The following LMO7 variants were observed in gnomAD, a reference collection of about 807,000 sequenced individuals.
The protein encoded by LMO7 is LIM domain 7.
LMO7 carries 120 observed loss-of-function variants against 206.5 expected under a neutral mutation model. The ratio of observed to expected loss-of-function variants is 0.58; its 90% CI spans 0.50 to 0.68. The LOEUF is 0.68. Among genes scored for constraint, LMO7 ranks in the 30% least tolerant of loss-of-function variants. LMO7 has a pLI of 0.00. For missense variants in LMO7, 1,959 were observed against 1,957.9 expected (o/e 1.00, Z -0.01); for synonymous variants, 706 against 681.5 (o/e 1.04, Z -0.56).
chr13:75,820,350 G>A (rs928901279), intron 13 of LMO7, among the ~76,000 whole-genome samples: 5 of 152,248 alleles, frequency 3.3e-5, no homozygotes, highest in Non-Finnish European at 1.5e-5. Context: ...GTTCTGTCAA[G>A]CTATGTGAAA....
chr13:75,749,065 C>A (rs1594722787), intron 3 of LMO7, among the ~76,000 whole-genome samples: 1 of 152,072 alleles, frequency 6.6e-6, no homozygotes, highest in East Asian at 1.9e-4. Flanking sequence ...CCTAGGCCTC[C>A]CAAAGTGCTG....
intron 3 of LMO7, among the ~76,000 whole-genome samples, chr13:75,729,887 A>C (rs1008381721): frequency 6.0e-5 from 9 of 151,102 alleles, no homozygotes; most frequent in African/African-American, 9.7e-5. Flanking sequence ...TGAGATAATC[A>C]TGTGGTTTTT....
At chr13:75,714,257 A>G (rs1414413392) in intron 2 of LMO7, among the ~76,000 whole-genome samples, 1 of 152,184 alleles carries the variant, frequency 6.6e-6, no homozygotes, top group Non-Finnish European at 1.5e-5. Flanking sequence ...AAGTGATTTA[A>G]CATTTGAGCC....
In LMO7 at chr13:75,821,208, T is replaced by A; in HGVS notation, c.2239T>A (p.Ser747Thr). The change falls in exon 14 of 31, where the codon TCA becomes ACA. Residue 747 changes from serine (S) to threonine (T), a missense_variant. Ser to Thr is a moderately conservative substitution (Grantham distance 58, BLOSUM62 1). Coordinates refer to ENST00000377534, the MANE Select transcript of LMO7 (RefSeq NM_001306080.2). Reference protein sequence around the residue: ...ESQNQKSTVPSRRRMYSFDDV... With the variant: ...ESQNQKSTVPTRRRMYSFDDV... ...CCAAAATCAAAAGTCTACAGTTCCG[T>A]CAAGAAGGAGAATGTATTCTTTTGA... is the stretch of plus-strand genomic sequence containing the variant. 2.5e-6 allele frequency: 4 copies of A among 1,611,090 alleles called. No homozygotes were observed. The highest frequency in any genetic ancestry group is 3.4e-6 in the Non-Finnish European group (4 of 1,179,086).
intron 27 of LMO7, among the ~76,000 whole-genome samples, chr13:75,851,139 T>C (rs1282380176): frequency 6.6e-6 from 1 of 152,098 alleles, no homozygotes; most frequent in Non-Finnish European, 1.5e-5. Context: ...CACCCCAGAG[T>C]CAGTGGGAGG....
chr13:75,825,112 T>C (rs2057990167), intron 15 of LMO7, among the ~76,000 whole-genome samples: 1 of 152,114 alleles, frequency 6.6e-6, no homozygotes, highest in African/African-American at 2.4e-5. Flanking sequence ...TATTTACATA[T>C]ATCTAAAAAC....
At chr13:75,817,108 C>G (rs1228147131) in intron 11 of LMO7, 53 bp from the exon 12 acceptor site, 1 of 1,312,930 alleles carries the variant, frequency 7.6e-7, no homozygotes, top group African/African-American at 1.5e-5. Context: ...CAGTTTAACC[C>G]CTAAGTCTGG....
At chr13:75,623,451 C>T (rs1192271158) in intron 2 of LMO7, 21 of 580,704 alleles carry the variant, frequency 3.6e-5, no homozygotes, top group South Asian at 1.1e-4. Flanking sequence ...GCAACCTCTG[C>T]CTCCCGGGTT....
In LMO7 at chr13:75,807,475, A is replaced by C; in HGVS notation, c.1197-5A>C. 1 of 1,612,056 alleles carries C rather than the reference A, an allele frequency of 6.2e-7. No homozygotes were observed. The highest frequency in any genetic ancestry group is 1.1e-5 in the South Asian group (1 of 91,014). The stretch of plus-strand genomic sequence containing the variant: ...TCTCTTTCCTTTTTCCTCTCTGTGC[A>C]TCAGTCAGTTTTTACTGCTTCAGGC... On this transcript the variant is annotated splice_polypyrimidine_tract_variant and splice_region_variant and intron_variant, in intron 9 of 30. Coordinates refer to ENST00000377534, the MANE Select transcript of LMO7 (RefSeq NM_001306080.2).
chr13:75,823,752 C>G lies in LMO7; in HGVS notation c.2828C>G (p.Ser943Cys). Residue 943 changes from serine to cysteine, a missense_variant, in exon 15 of 31, where the codon TCT becomes TGT. Transcript: ENST00000377534. The part of the protein sequence containing the change: ...RLPSPTSPFS[S>C]LSQDQAATSK... ...CCCTCTCCTACATCCCCCTTCTCAT[C>G]TCTTTCCCAAGACCAGGCTGCCACT... 1.2e-6 allele frequency: 2 copies of G among 1,614,136 alleles called. No homozygotes were observed. The highest frequency in any genetic ancestry group is 1.7e-6 in the Non-Finnish European group (2 of 1,179,992).
intron 3 of LMO7, among the ~76,000 whole-genome samples, chr13:75,730,620 C>G (rs966986644): frequency 9.3e-4 from 136 of 146,802 alleles, no homozygotes; most frequent in Non-Finnish European, 1.7e-3. Flanking sequence ...TTTTGTGTCT[C>G]TATTTCCTTC....
chr13:75,859,867 T>C (rs914282038), downstream of LMO7: 3 of 152,240 alleles, frequency 2.0e-5, no homozygotes, highest in African/African-American at 7.2e-5. Flanking sequence ...GAAACCACTA[T>C]CAATTTCTGC....
intron 1 of LMO7, among the ~76,000 whole-genome samples, chr13:75,707,072 G>A (rs968537226): frequency 1.3e-5 from 2 of 151,702 alleles, no homozygotes; most frequent in African/African-American, 4.8e-5. Flanking sequence ...CTTTAGGTAT[G>A]GGAGATTTAG....
chr13:75,723,386 A>T (rs2044190691), intron 2 of LMO7, among the ~76,000 whole-genome samples: 1 of 152,096 alleles, frequency 6.6e-6, no homozygotes, highest in Non-Finnish European at 1.5e-5. Context: ...TAAAAAGTTC[A>T]TTCAGTGTAT....
At chr13:75,743,366 C>T (rs2046574680) in intron 3 of LMO7, among the ~76,000 whole-genome samples, 1 of 151,964 alleles carries the variant, frequency 6.6e-6, no homozygotes, top group Non-Finnish European at 1.5e-5. Flanking sequence ...TGGGTATATA[C>T]CCAAATCATT....
At chr13:75,846,545 C>G (rs2060011097) in intron 26 of LMO7, among the ~76,000 whole-genome samples, 1 of 152,144 alleles carries the variant, frequency 6.6e-6, no homozygotes, top group Non-Finnish European at 1.5e-5. Context: ...CTTCAGTATT[C>G]CATGAAATAT....
At chr13:75,812,772 T>C (rs1001410554) in intron 11 of LMO7, among the ~76,000 whole-genome samples, 4 of 152,250 alleles carry the variant, frequency 2.6e-5, no homozygotes, top group African/African-American at 9.6e-5. Context: ...GCTAGATCTG[T>C]ATTTTTTGGA....
chr13:75,843,966 T>C (rs1345710147), intron 25 of LMO7, among the ~76,000 whole-genome samples: 2 of 152,216 alleles, frequency 1.3e-5, no homozygotes, highest in Non-Finnish European at 2.9e-5. Context: ...AATCTAGTGA[T>C]AGATGACCTT....
chr13:75,711,637 T>C (rs1260691870), intron 1 of LMO7, among the ~76,000 whole-genome samples: 6 of 152,068 alleles, frequency 3.9e-5, no homozygotes, highest in Non-Finnish European at 8.8e-5. Context: ...CTGCACCCAC[T>C]CCCCAGTGAG....
Sources: allele counts gnomAD v4.1 joint callset (sites outside exome capture counted in the v4.1 genomes callset), GRCh38; gene constraint gnomAD v4.1.1; transcripts MANE v1.5; gene names NCBI Gene and HGNC (gene_info 2026-07-23, HGNC 2026-07-21).